The following TP53BP1 variants were observed in gnomAD, a reference collection of about 807,000 sequenced individuals.
The protein encoded by TP53BP1 is TP53-binding protein 1.
TP53BP1 carries 61 observed loss-of-function variants against 200.8 expected under a neutral mutation model. The ratio of observed to expected loss-of-function variants is 0.30; its 90% CI spans 0.25 to 0.38. The LOEUF is 0.38. Ranked by LOEUF, TP53BP1 falls within the 10% of genes least tolerant of loss-of-function variation. TP53BP1 has a pLI of 1.00. For synonymous variants in TP53BP1, 822 were observed against 844.3 expected (o/e 0.97, Z 0.46); for missense variants, 2,144 against 2,371.9 (o/e 0.90, Z 2.00).
Position 43,460,330 on chromosome 15 carries a change from G to A in TP53BP1, c.1390-3112C>T, listed in dbSNP as rs957022326. On this transcript the variant is annotated intron_variant, in intron 11 of 27. Transcript: ENST00000382044. ...GGCTGGAGTGCAGTGGCTTAATCAC[G>A]GCTCATTGCAGCCTTAATGTCTTGG... Among the ~76,000 whole-genome samples, 6 of 151,990 alleles carry A rather than the reference G, an allele frequency of 3.9e-5. No homozygotes were observed. In the East Asian group the frequency reaches 7.7e-4, roughly 20 times the overall value.
In TP53BP1 at chr15:43,481,613, G is replaced by A. The variant is rs549069413; in HGVS notation, c.372-591C>T. On this transcript the variant is annotated intron_variant, in intron 4 of 27. Coordinates refer to ENST00000382044, the MANE Select transcript of TP53BP1 (RefSeq NM_001141980.3). ...AGGCAGGTCACGAGGTCAAGAGATCGAGACCATCCTGGCTAACATGGTGAA... is the reference window on the plus strand; with the variant it reads ...AGGCAGGTCACGAGGTCAAGAGATCAAGACCATCCTGGCTAACATGGTGAA... Among the ~76,000 whole-genome samples, 7 of 151,640 alleles carry A rather than the reference G, an allele frequency of 4.6e-5. No homozygotes were observed. The East Asian group carries it at 7.8e-4, about 17-fold the overall frequency.
At chr15:43,502,600 G>A (rs1050896144) in intron 1 of TP53BP1, among the ~76,000 whole-genome samples, 3 of 148,534 alleles carry the variant, frequency 2.0e-5, no homozygotes, top group Admixed American at 6.7e-5. Context: ...GACTACAGGC[G>A]CCCGCCACCA....
At chr15:43,427,171 A>G (rs1281417459) in intron 18 of TP53BP1, among the ~76,000 whole-genome samples, 1 of 152,224 alleles carries the variant, frequency 6.6e-6, no homozygotes, top group Admixed American at 6.5e-5. Flanking sequence ...AAGTCAGCAT[A>G]GTATGCCATT....
intron 18 of TP53BP1, among the ~76,000 whole-genome samples, chr15:43,423,174 A>C (rs2045445569): frequency 6.7e-6 from 1 of 149,040 alleles, no homozygotes; most frequent in Non-Finnish European, 1.5e-5. Context: ...TGGAGGCTAA[A>C]TCCCAGACTT....
At chr15:43,508,822 G>A (rs1368598227) in intron 1 of TP53BP1, among the ~76,000 whole-genome samples, 1 of 152,150 alleles carries the variant, frequency 6.6e-6, no homozygotes, top group Admixed American at 6.5e-5. Flanking sequence ...AGCAATTTTA[G>A]TACTATCATA....
rs757651280 is a variant in TP53BP1, at chr15:43,438,318, G to A, written c.3191+6C>T. The A allele has an allele frequency of 1.0e-4, 169 of 1,611,686 alleles. 1 individual carries two copies. Among genetic ancestry groups the A allele is most frequent in the Middle Eastern group, 3.3e-4 (2 of 6,066 alleles). On this transcript the variant is annotated splice_donor_region_variant and intron_variant, in intron 16 of 27. Transcript: ENST00000382044. ...GCCCAAAAGATTCTATAAAAATAAT[G>A]CTTACCTGATGGGTGTGGTGGGGGG...
chr15:43,467,863 A>T (rs559499731), intron 11 of TP53BP1, among the ~76,000 whole-genome samples: 1 of 151,742 alleles, frequency 6.6e-6, no homozygotes, highest in Non-Finnish European at 1.5e-5. Flanking sequence ...AGCTCACTGT[A>T]ACCTCTGCCT....
At position 43,446,580 on chromosome 15, in the gene TP53BP1, G is replaced by A. The variant is rs377134903; in HGVS notation, c.2847C>T (p.Asn949=). 2 of 1,613,332 alleles carry A rather than the reference G, an allele frequency of 1.2e-6. No homozygotes were observed. Among genetic ancestry groups the A allele is most frequent in the Non-Finnish European group, 8.5e-7 (1 of 1,179,572 alleles). Residue 949 remains asparagine (N), a synonymous_variant, in exon 14 of 28, where the codon AAC becomes AAT. Transcript: ENST00000382044. The part of the protein sequence containing the change: ...KRHSTPIGIS[N]YPESTIATSD... ...TGGTTGCTATGGTGCTTTCTGGATA[G>A]TTGCTAATACCTGAAAGAAGTGAGG...
intron 26 of TP53BP1, chr15:43,408,296 G>T: frequency 1.9e-6 from 1 of 515,390 alleles, no homozygotes; most frequent in South Asian, 2.3e-5. Flanking sequence ...TGGGCAATGT[G>T]GTGAGACCCC....
upstream of TP53BP1, among the ~76,000 whole-genome samples, chr15:43,493,904 C>T (rs1195091252): frequency 1.3e-5 from 2 of 152,188 alleles, no homozygotes; most frequent in Admixed American, 1.3e-4. Context: ...CTGTCATTCT[C>T]AAACTCCATG....
chr15:43,467,231 A>G (rs1266881260), intron 11 of TP53BP1, among the ~76,000 whole-genome samples: 5 of 151,858 alleles, frequency 3.3e-5, no homozygotes, highest in Non-Finnish European at 7.4e-5. Context: ...ACTCCTGGCT[A>G]TTTTTGACCA....
chr15:43,461,105 T>C, intron 11 of TP53BP1, among the ~76,000 whole-genome samples: 1 of 152,112 alleles, frequency 6.6e-6, no homozygotes, highest in Non-Finnish European at 1.5e-5. Flanking sequence ...ATTCCATTTC[T>C]GGGAAATTAA....
chr15:43,462,427 C>T (rs1446062819), intron 11 of TP53BP1, among the ~76,000 whole-genome samples: 2 of 151,922 alleles, frequency 1.3e-5, no homozygotes, highest in African/African-American at 4.8e-5. Context: ...CATACTGCTC[C>T]CCAGCACCAG....
At chr15:43,465,710 C>T (rs902294272) in intron 11 of TP53BP1, among the ~76,000 whole-genome samples, 1 of 152,068 alleles carries the variant, frequency 6.6e-6, no homozygotes, top group Non-Finnish European at 1.5e-5. Flanking sequence ...ACACTGGGAA[C>T]GAAGAGAAAA....
At chr15:43,474,827 AT>A in intron 9 of TP53BP1, 60 bp from the exon 10 acceptor site, 1 of 1,253,264 alleles carries the variant, frequency 8.0e-7, no homozygotes, top group Non-Finnish European at 1.2e-6. Flanking sequence ...GCATTTCTGT[AT>A]TTGCTTTTAC....
chr15:43,403,733 G>A lies in TP53BP1; in HGVS notation c.*3650C>T, dbSNP rs753427016. 9.3e-6 allele frequency: 15 copies of A among 1,613,242 alleles called. No homozygotes were observed. Among genetic ancestry groups the A allele is most frequent in the South Asian group, 7.7e-5 (7 of 90,994 alleles). On this transcript the variant is annotated 3_prime_UTR_variant, in exon 28 of 28. Transcript: ENST00000382044. The stretch of plus-strand genomic sequence containing the variant: ...TAGATCTCTGTCACAGTTTTTGTTC[G>A]CTGGTCAGTCAGAACCTAGGCCCAC...
rs544904520 is a variant in TP53BP1, at chr15:43,488,077, T to C, written c.371+3592A>G. ...ATTCTAGGAGGATGAGACAGGAGGATTGCTTGAGCCCAGGCATTGGAGACC... is the reference window on the plus strand; with the variant it reads ...ATTCTAGGAGGATGAGACAGGAGGACTGCTTGAGCCCAGGCATTGGAGACC... On this transcript the variant is annotated intron_variant, in intron 4 of 27. Transcript: ENST00000382044. Among the ~76,000 whole-genome samples, 10 of 152,232 alleles carry C rather than the reference T, an allele frequency of 6.6e-5. No homozygotes were observed. In the South Asian group the frequency reaches 1.0e-3, roughly 16 times the overall value.
chr15:43,456,353 T>C lies in TP53BP1; in HGVS notation c.2255A>G (p.Glu752Gly). The change falls in exon 12 of 28, where the codon GAA (glutamate) becomes GGA (glycine). Residue 752 changes from glutamate to glycine, a missense_variant. By Grantham distance (98) the Glu-to-Gly change is moderately conservative. Coordinates refer to ENST00000382044, the MANE Select transcript of TP53BP1 (RefSeq NM_001141980.3). ...ACTGGAGTCCTCTGAAGTAGCTTCT[T>C]CCCAAGCTTCCTGTTCCTTATGTTC... ...ELEHKEQEAW[E>G]EATSEDSSVV... 1 of 1,612,426 alleles carries C rather than the reference T, an allele frequency of 6.2e-7. No homozygotes were observed.
chr15:43,408,835 CTT>C, intron 26 of TP53BP1, 60 bp downstream of exon 26: 2 of 1,532,180 alleles, frequency 1.3e-6, no homozygotes, highest in Non-Finnish European at 1.8e-6. Flanking sequence ...CCTAGATTCT[CTT>C]CCCTCCAAAG....
Sources: allele counts gnomAD v4.1 joint callset (sites outside exome capture counted in the v4.1 genomes callset), GRCh38; gene constraint gnomAD v4.1.1; transcripts MANE v1.5; gene names NCBI Gene and HGNC (gene_info 2026-07-23, HGNC 2026-07-21).